Variants in HMGCLL1 observed in about 807,000 individuals in gnomAD.
HMGCLL1 encodes 3-hydroxy-3-methylglutaryl-CoA lyase like 1, also known as 3-hydroxymethyl-3-methylglutaryl-CoA lyase, cytoplasmic.
A neutral mutation model predicts 39.1 loss-of-function variants in HMGCLL1; 36 were observed. The observed-to-expected ratio is 0.92, with a 90% CI of 0.71 to 1.22. The LOEUF is 1.22. Among genes scored for constraint, HMGCLL1 ranks in the 50% most tolerant of loss-of-function variants. The probability of loss-of-function intolerance (pLI) is 0.00; values close to 1 mark genes in which losing one functional copy is unlikely to be tolerated. For synonymous variants in HMGCLL1, 149 were observed against 144.0 expected (o/e 1.03, Z -0.25); for missense variants, 451 against 416.5 (o/e 1.08, Z -0.72).
intron 1 of HMGCLL1, 86 bp from the exon 2 acceptor site, chr6:55,542,226 T>A: frequency 1.3e-6 from 1 of 748,776 alleles, no homozygotes. Flanking sequence ...CTGCACTTTG[T>A]TATACTCTTA....
At chr6:55,487,292 CTTGT>C (rs1310827243) in intron 7 of HMGCLL1, among the ~76,000 whole-genome samples, 40 of 151,472 alleles carry the variant, frequency 2.6e-4, no homozygotes, top group Non-Finnish European at 4.4e-5. Context: ...TTTTGTTGAT[CTTGT>C]TTGTTTGTTT....
intron 7 of HMGCLL1, among the ~76,000 whole-genome samples, chr6:55,441,260 C>T (rs553058902): frequency 6.6e-6 from 1 of 152,226 alleles, no homozygotes; most frequent in Admixed American, 6.6e-5. Context: ...GGTGATCAGA[C>T]ATGACCTTCG....
the HMGCLL1 span, among the ~76,000 whole-genome samples, chr6:55,631,493 C>T: frequency 0.34 from 51,406 of 151,762 alleles, 9,020 homozygotes; most frequent in African/African-American, 0.42. Context: ...AGCGTCAGGA[C>T]GCTGAGACAG....
At chr6:55,624,258 GAT>G in the HMGCLL1 span, among the ~76,000 whole-genome samples, 88 of 152,268 alleles carry the variant, frequency 5.8e-4, no homozygotes, top group African/African-American at 1.9e-3. Flanking sequence ...TCAGAAGACA[GAT>G]AGATCTTGGA....
chr6:55,603,981 A>G, the HMGCLL1 span, among the ~76,000 whole-genome samples: 3 of 152,152 alleles, frequency 2.0e-5, no homozygotes, highest in South Asian at 6.2e-4. Flanking sequence ...CAAAAATTAT[A>G]TTGATTTAAT....
intron 6 of HMGCLL1, among the ~76,000 whole-genome samples, chr6:55,497,639 T>C (rs4404773): frequency 0.68 from 103,497 of 151,988 alleles, 35,257 homozygotes; most frequent in Non-Finnish European, 0.7. Flanking sequence ...AACAGGATTC[T>C]AAGAGCATGT....
chr6:55,647,990 A>G, the HMGCLL1 span, among the ~76,000 whole-genome samples: 2 of 114,636 alleles, frequency 1.7e-5, no homozygotes, highest in Non-Finnish European at 3.5e-5. Context: ...TCATTGTTCA[A>G]TTCCCACCTA....
chr6:55,588,410 T>G, the HMGCLL1 span, among the ~76,000 whole-genome samples: 1 of 149,988 alleles, frequency 6.7e-6, no homozygotes, highest in Non-Finnish European at 1.5e-5. Flanking sequence ...AAACAGTGTA[T>G]AGAGGGAAAC....
the HMGCLL1 span, among the ~76,000 whole-genome samples, chr6:55,665,737 T>C: frequency 6.6e-6 from 1 of 151,766 alleles, no homozygotes; most frequent in African/African-American, 2.4e-5. Context: ...ACAAAATACC[T>C]TTATGTTAAC....
intron 7 of HMGCLL1, among the ~76,000 whole-genome samples, chr6:55,463,721 T>C (rs965122185): frequency 6.6e-6 from 1 of 152,220 alleles, no homozygotes; most frequent in East Asian, 1.9e-4. Context: ...GGAATAATCA[T>C]GGAAAGAAAG....
the HMGCLL1 span, among the ~76,000 whole-genome samples, chr6:55,673,991 A>G: frequency 2.0e-5 from 3 of 152,028 alleles, no homozygotes; most frequent in Non-Finnish European, 4.4e-5. Flanking sequence ...ATTGTACTAT[A>G]CAAAATTGTG....
chr6:55,435,661 G>A lies in HMGCLL1; in HGVS notation c.*1C>T, dbSNP rs1217273223. 1.9e-6 allele frequency: 3 copies of A among 1,556,478 alleles called. No homozygotes were observed. The highest frequency in any genetic ancestry group is 1.8e-6 in the Non-Finnish European group (2 of 1,136,168). On this transcript the variant is annotated 3_prime_UTR_variant, in exon 9 of 9. Transcript: ENST00000274901. ...AACGGTACGTCATAAATCCATTCAA[G>A]TCAAGCATTGAAGGAGGCTTGTGCT...
chr6:55,636,325 T>C, the HMGCLL1 span, among the ~76,000 whole-genome samples: 1 of 152,204 alleles, frequency 6.6e-6, no homozygotes, highest in East Asian at 1.9e-4. Flanking sequence ...CAGGTAAAGA[T>C]CAAGATGGAA....
intron 1 of HMGCLL1, among the ~76,000 whole-genome samples, chr6:55,553,923 T>C (rs1770508355): frequency 6.6e-6 from 1 of 152,200 alleles, no homozygotes; most frequent in Non-Finnish European, 1.5e-5. Flanking sequence ...CAAAACACTT[T>C]GGAGACATTA....
chr6:55,584,401 A>G, the HMGCLL1 span, among the ~76,000 whole-genome samples: 2 of 152,074 alleles, frequency 1.3e-5, no homozygotes, highest in Non-Finnish European at 2.9e-5. Context: ...CAAGAAAGAA[A>G]ACTGAACAGA....
intron 8 of HMGCLL1, 25 bp downstream of exon 8, chr6:55,439,409 A>G (rs751982134): frequency 3.8e-6 from 6 of 1,593,524 alleles, no homozygotes; most frequent in East Asian, 4.5e-5. Context: ...ATGCATGAAT[A>G]TTAAAATACG....
intron 1 of HMGCLL1, among the ~76,000 whole-genome samples, chr6:55,560,573 C>A (rs1019276691): frequency 2.6e-5 from 4 of 152,072 alleles, no homozygotes; most frequent in African/African-American, 9.7e-5. Context: ...TCCTTCCCTC[C>A]CTCACATCCT....
chr6:55,498,707 AG>A (rs1402655747), intron 6 of HMGCLL1, among the ~76,000 whole-genome samples: 4 of 152,146 alleles, frequency 2.6e-5, no homozygotes, highest in African/African-American at 9.7e-5. Context: ...TTCAGTAATC[AG>A]GGCCTTAATG....
chr6:55,618,838 T>G, the HMGCLL1 span, among the ~76,000 whole-genome samples: 3,581 of 152,158 alleles, frequency 0.024, 162 homozygotes, highest in African/African-American at 0.082. Flanking sequence ...ACCTTAAACA[T>G]TCTAAAAGGA....
Sources: allele counts gnomAD v4.1 joint callset (sites outside exome capture counted in the v4.1 genomes callset), GRCh38; gene constraint gnomAD v4.1.1; transcripts MANE v1.5; gene names NCBI Gene and HGNC (gene_info 2026-07-23, HGNC 2026-07-21).